ULK4: variants seen among roughly 807,000 people sequenced by gnomAD.
ULK4 encodes inactive serine/threonine-protein kinase ULK4.
In ULK4, 133 loss-of-function variants were observed where a neutral mutation model predicts 160.6. The observed-to-expected ratio is 0.83, with a 90% CI of 0.72 to 0.96. ULK4 has a LOEUF of 0.96. Ranked by LOEUF, ULK4 falls within the 40% of genes least tolerant of loss-of-function variation. The pLI, the probability that ULK4 is intolerant of heterozygous loss-of-function variation, is 0.00. For missense variants in ULK4, 1,580 were observed against 1,499.5 expected (o/e 1.05, Z -0.89); for synonymous variants, 534 against 539.8 (o/e 0.99, Z 0.15).
chr3:41,660,589 C>A (rs954385644), intron 30 of ULK4, among the ~76,000 whole-genome samples: 1 of 152,156 alleles, frequency 6.6e-6, no homozygotes, highest in Non-Finnish European at 1.5e-5. Flanking sequence ...TCATCCCTTC[C>A]TTAAGGTATG....
chr3:41,656,969 G>A (rs1022887831), intron 30 of ULK4, among the ~76,000 whole-genome samples: 3 of 152,160 alleles, frequency 2.0e-5, no homozygotes, highest in African/African-American at 7.2e-5. Context: ...CTTTCTCTGA[G>A]AGGAATGGTT....
intron 17 of ULK4, among the ~76,000 whole-genome samples, chr3:41,874,414 C>A (rs6777598): frequency 3.1e-3 from 473 of 152,208 alleles, no homozygotes; most frequent in African/African-American, 0.011. Flanking sequence ...AATTCTATAA[C>A]CAATTCAGTA....
chr3:41,668,684 G>C (rs4973982), intron 29 of ULK4, among the ~76,000 whole-genome samples: 13,221 of 152,226 alleles, frequency 0.087, 753 homozygotes, highest in Admixed American at 0.15. Flanking sequence ...GTAACACCTA[G>C]AACTGGACAG....
At chr3:41,257,632 C>CAA (rs11360973) in intron 35 of ULK4, among the ~76,000 whole-genome samples, 9 of 127,794 alleles carry the variant, frequency 7.0e-5, no homozygotes, top group Non-Finnish European at 6.8e-5. Context: ...GACTATGTCT[C>CAA]AAAAAAAAAA....
At chr3:41,696,668 G>A (rs992403577) in intron 27 of ULK4, among the ~76,000 whole-genome samples, 4 of 152,082 alleles carry the variant, frequency 2.6e-5, no homozygotes, top group Admixed American at 2.0e-4. Context: ...CTGTGGGGCT[G>A]GTCCCTATAG....
intron 12 of ULK4, among the ~76,000 whole-genome samples, chr3:41,906,106 A>T (rs1331966541): frequency 1.3e-5 from 2 of 148,498 alleles, no homozygotes; most frequent in Non-Finnish European, 3.0e-5. Flanking sequence ...AGTCCCAGCT[A>T]CTCGGGAGGC....
chr3:41,486,085 T>A (rs1255462487), intron 32 of ULK4, among the ~76,000 whole-genome samples: 2 of 152,190 alleles, frequency 1.3e-5, no homozygotes, highest in East Asian at 3.8e-4. Context: ...CTTTCCAGTT[T>A]CCTGGAGCTT....
In ULK4 at chr3:41,741,700, C is replaced by T. The variant is rs893584309; in HGVS notation, c.2321+12661G>A. Among the ~76,000 whole-genome samples, 8 of 151,892 alleles carry T rather than the reference C, an allele frequency of 5.3e-5. 1 individual carries two copies. The highest frequency in any genetic ancestry group is 1.9e-4 in the African/African-American group (8 of 41,196). ...TTGCAGCAACTCACATTTCCTCAAGCAGTATTTAAAAGTCACTGTGAAAAG... is the reference window on the plus strand; with the variant it reads ...TTGCAGCAACTCACATTTCCTCAAGTAGTATTTAAAAGTCACTGTGAAAAG... On this transcript the variant is annotated intron_variant, in intron 22 of 36. Coordinates refer to ENST00000301831, the MANE Select transcript of ULK4 (RefSeq NM_017886.4).
intron 32 of ULK4, among the ~76,000 whole-genome samples, chr3:41,564,340 G>C (rs1449616085): frequency 1.3e-5 from 2 of 152,070 alleles, no homozygotes; most frequent in Non-Finnish European, 2.9e-5. Context: ...AAGGGGGTCA[G>C]GGACCCACTT....
intron 21 of ULK4, among the ~76,000 whole-genome samples, chr3:41,788,970 C>G (rs994207646): frequency 1.3e-5 from 2 of 152,124 alleles, no homozygotes; most frequent in Non-Finnish European, 2.9e-5. Context: ...AGAGATCTCA[C>G]TAAAATGTAG....
chr3:41,717,852 C>T lies in ULK4; in HGVS notation c.2331G>A (p.Met777Ile). ...TCTTTCTGCTGTCTCTCTCGATGTA[C>T]ATCACCAGTCTACATACAGGAAAGT... ...LLLSCQARLV[M>I]YIERDSRKTT... Residue 777 changes from methionine to isoleucine, a missense_variant, in exon 23 of 37, where the codon ATG (methionine) becomes ATA (isoleucine). Coordinates refer to ENST00000301831, the MANE Select transcript of ULK4 (RefSeq NM_017886.4). 6.2e-7 allele frequency: 1 copy of T among 1,614,004 alleles called. No homozygotes were observed. Among genetic ancestry groups the T allele is most frequent in the Non-Finnish European group, 8.5e-7 (1 of 1,179,934 alleles).
At chr3:41,655,662 A>G (rs925947087) in intron 30 of ULK4, among the ~76,000 whole-genome samples, 1 of 152,180 alleles carries the variant, frequency 6.6e-6, no homozygotes, top group Non-Finnish European at 1.5e-5. Flanking sequence ...AGTGGTGATC[A>G]CAACAGTGCT....
intron 35 of ULK4, among the ~76,000 whole-genome samples, chr3:41,357,682 A>G (rs1187538740): frequency 2.0e-5 from 3 of 152,196 alleles, no homozygotes; most frequent in Non-Finnish European, 4.4e-5. Flanking sequence ...CACATTCATG[A>G]AATGGTAACA....
At chr3:41,687,530 C>T (rs75385093) in intron 27 of ULK4, among the ~76,000 whole-genome samples, 266 of 152,172 alleles carry the variant, frequency 1.7e-3, no homozygotes, top group Non-Finnish European at 3.0e-3. Context: ...AGTCAGAATG[C>T]GGCAGCAGAA....
At chr3:41,317,366 C>A (rs988396911) in intron 35 of ULK4, among the ~76,000 whole-genome samples, 1 of 152,114 alleles carries the variant, frequency 6.6e-6, no homozygotes, top group African/African-American at 2.4e-5. Flanking sequence ...TGAGCCACCG[C>A]GCCCGGCCAA....
At chr3:41,648,985 G>A (rs916889440) in intron 30 of ULK4, among the ~76,000 whole-genome samples, 5 of 151,892 alleles carry the variant, frequency 3.3e-5, no homozygotes, top group Non-Finnish European at 4.4e-5. Flanking sequence ...AAAATTAGCC[G>A]GGCATGGTGG....
chr3:41,474,164 A>G (rs1300784644), intron 32 of ULK4, among the ~76,000 whole-genome samples: 2 of 152,186 alleles, frequency 1.3e-5, no homozygotes, highest in Non-Finnish European at 2.9e-5. Flanking sequence ...AAATAGACAC[A>G]TTGACCAGTA....
chr3:41,451,066 TG>T (rs1475421085), intron 34 of ULK4, among the ~76,000 whole-genome samples: 4 of 152,122 alleles, frequency 2.6e-5, no homozygotes, highest in African/African-American at 9.7e-5. Context: ...GCATCACCAT[TG>T]GGCTGCAGGG....
At chr3:41,894,409 A>G (rs573889978) in intron 16 of ULK4, among the ~76,000 whole-genome samples, 33 of 152,176 alleles carry the variant, frequency 2.2e-4, no homozygotes, top group Non-Finnish European at 4.9e-4. Context: ...CTAAACTTCT[A>G]TTGGTTCACC....
Sources: allele counts gnomAD v4.1 joint callset (sites outside exome capture counted in the v4.1 genomes callset), GRCh38; gene constraint gnomAD v4.1.1; transcripts MANE v1.5; gene names NCBI Gene and HGNC (gene_info 2026-07-23, HGNC 2026-07-21).